The following RBFOX1 variants were observed in gnomAD, a reference collection of about 807,000 sequenced individuals.
RBFOX1 encodes RNA binding fox-1 homolog 1.
RBFOX1 carries 8 observed loss-of-function variants against 57.7 expected under a neutral mutation model. The ratio of observed to expected loss-of-function variants is 0.14; its 90% CI spans 0.08 to 0.25. The LOEUF is 0.25. Ranked by LOEUF, RBFOX1 falls within the 10% of genes least tolerant of loss-of-function variation. The probability of loss-of-function intolerance (pLI) is 1.00; values close to 1 mark genes in which losing one functional copy is unlikely to be tolerated. For missense variants in RBFOX1, 611 were observed against 548.5 expected (o/e 1.11, Z -1.14); for synonymous variants, 326 against 222.4 (o/e 1.47, Z -4.15).
chr16:6,673,559 G>T (rs899329851), intron 3 of RBFOX1, among the ~76,000 whole-genome samples: 1 of 152,152 alleles, frequency 6.6e-6, no homozygotes, highest in Non-Finnish European at 1.5e-5. Context: ...AGCCTACATT[G>T]CGCCACTGCA....
chr16:5,739,094 G>A (rs772505714), intron 3 of RBFOX1, among the ~76,000 whole-genome samples: 1 of 152,194 alleles, frequency 6.6e-6, no homozygotes, highest in Non-Finnish European at 1.5e-5. Flanking sequence ...TTGCCTTATT[G>A]TCCTTCTTGG....
intron 3 of RBFOX1, among the ~76,000 whole-genome samples, chr16:6,693,233 C>G (rs972838373): frequency 2.6e-5 from 4 of 151,678 alleles, no homozygotes; most frequent in African/African-American, 9.7e-5. Context: ...TCCTCCTCCA[C>G]TACCATCACC....
chr16:5,327,784 A>G (rs2064626126), intron 1 of RBFOX1, among the ~76,000 whole-genome samples: 1 of 152,202 alleles, frequency 6.6e-6, no homozygotes, highest in African/African-American at 2.4e-5. Flanking sequence ...TGAATTACAC[A>G]AAGATAATTT....
intron 3 of RBFOX1, among the ~76,000 whole-genome samples, chr16:6,863,303 C>T (rs79419972): frequency 4.6e-5 from 7 of 152,024 alleles, no homozygotes; most frequent in African/African-American, 1.4e-4. Flanking sequence ...TGATTAGCAG[C>T]AAATGGTCAA....
In RBFOX1 at chr16:5,878,289, C is replaced by T. The variant is rs370569479; in HGVS notation, c.351+10954C>T. Among the ~76,000 whole-genome samples the T allele has an allele frequency of 3.0e-4, 45 of 152,280 alleles. 1 individual carries two copies. The South Asian group carries it at 9.3e-3, about 32-fold the overall frequency. ...TGAGAACAGCCAGCAGTTATTAATG[C>T]TCACTGTATGCTAGGCACTGAGCAA... is the stretch of plus-strand genomic sequence containing the variant. On this transcript the variant is annotated intron_variant, in intron 4 of 19. Transcript: ENST00000641259.
chr16:6,799,354 G>C lies in RBFOX1; in HGVS notation c.-16+144704G>C, dbSNP rs781420564. ...TTAGGTTGGTGCAAAAGTAATGGCA[G>C]TCTTTGTAGTTAAAAAAAGGTAAAA... On this transcript the variant is annotated intron_variant, in intron 3 of 15. Transcript: ENST00000550418. Among the ~76,000 whole-genome samples the C allele has an allele frequency of 2.0e-5, 3 of 152,078 alleles. No individual in the cohort carries two copies. The East Asian group carries it at 5.8e-4, about 29-fold the overall frequency.
At chr16:7,709,021 C>G (rs751827083) in intron 14 of RBFOX1, 35 bp from the exon 15 acceptor site, 10 of 1,559,950 alleles carry the variant, frequency 6.4e-6, no homozygotes, top group South Asian at 3.3e-5. Flanking sequence ...TAATTGCATA[C>G]TGTGGATCAA....
intron 4 of RBFOX1, among the ~76,000 whole-genome samples, chr16:7,284,307 A>T (rs1049954871): frequency 1.4e-4 from 22 of 152,122 alleles, no homozygotes; most frequent in Admixed American, 7.2e-4. Flanking sequence ...GTGTTGCTGG[A>T]TTGAGAAGTA....
At chr16:5,801,214 T>G (rs2151753298) in intron 3 of RBFOX1, among the ~76,000 whole-genome samples, 1 of 152,316 alleles carries the variant, frequency 6.6e-6, no homozygotes, top group Non-Finnish European at 1.5e-5. Context: ...TTAATGTATT[T>G]TACTAATTAT....
At chr16:6,840,472 C>T (rs1047448155) in intron 3 of RBFOX1, among the ~76,000 whole-genome samples, 1 of 152,230 alleles carries the variant, frequency 6.6e-6, no homozygotes, top group Non-Finnish European at 1.5e-5. Context: ...GCTGAATGTT[C>T]ATGTCCCCCT....
intron 1 of RBFOX1, among the ~76,000 whole-genome samples, chr16:6,034,058 G>A (rs1367781348): frequency 6.6e-6 from 1 of 152,126 alleles, no homozygotes; most frequent in African/African-American, 2.4e-5. Context: ...TCGTTGGCCA[G>A]GCGCGGTGGC....
At chr16:5,512,167 T>C (rs996419333) in intron 2 of RBFOX1, among the ~76,000 whole-genome samples, 29 of 152,264 alleles carry the variant, frequency 1.9e-4, no homozygotes, top group South Asian at 1.7e-3. Context: ...ATGTGGGCTA[T>C]TGATTGCATG....
intron 2 of RBFOX1, among the ~76,000 whole-genome samples, chr16:6,450,314 A>T (rs2094563877): frequency 6.6e-6 from 1 of 152,136 alleles, no homozygotes; most frequent in African/African-American, 2.4e-5. Context: ...TGGGTTAGTC[A>T]CTTACCTGCA....
intron 9 of RBFOX1, among the ~76,000 whole-genome samples, chr16:7,600,287 A>G (rs1330392909): frequency 6.6e-6 from 1 of 152,152 alleles, no homozygotes; most frequent in African/African-American, 2.4e-5. Context: ...TAAAACACAA[A>G]TGTCAATTCT....
At chr16:5,674,573 C>T (rs1272709970) in intron 3 of RBFOX1, among the ~76,000 whole-genome samples, 2 of 152,198 alleles carry the variant, frequency 1.3e-5, no homozygotes, top group African/African-American at 4.8e-5. Flanking sequence ...AGCCCAGGTT[C>T]TGTTTGTTTA....
At chr16:6,550,561 A>T (rs1006066086) in intron 2 of RBFOX1, among the ~76,000 whole-genome samples, 3 of 152,104 alleles carry the variant, frequency 2.0e-5, no homozygotes, top group Non-Finnish European at 2.9e-5. Context: ...CCTGACCTCA[A>T]GTGATGCACC....
chr16:7,438,374 A>C (rs1208380457), intron 4 of RBFOX1, among the ~76,000 whole-genome samples: 1 of 152,066 alleles, frequency 6.6e-6, no homozygotes, highest in Non-Finnish European at 1.5e-5. Context: ...GGCCACGGTG[A>C]GCATGATGGT....
intron 3 of RBFOX1, among the ~76,000 whole-genome samples, chr16:6,816,047 A>T (rs1271701010): frequency 1.3e-5 from 2 of 152,198 alleles, no homozygotes; most frequent in Non-Finnish European, 2.9e-5. Context: ...GCAATGGCTC[A>T]TGCGTGTCCC....
rs772393536 is a variant in RBFOX1, at chr16:5,490,475, TCCTGGGAA to T, written c.258+23227_258+23234del. ...GGCCTTGTGGAGGCAGAGAGAGGCG[TCCTGGGAA>T]CCTGGCGTTGCTATCCGGAGCCCTT... On this transcript the variant is annotated intron_variant, in intron 2 of 2. Coordinates refer to the RBFOX1 transcript ENST00000585867. Among the ~76,000 whole-genome samples, 162 of 152,316 alleles carry T rather than the reference TCCTGGGAA, an allele frequency of 1.1e-3. 2 individuals carry two copies. Among genetic ancestry groups the T allele is most frequent in the Middle Eastern group, 3.4e-3 (1 of 294 alleles).
Sources: gnomAD v4.1 joint callset for allele counts (sites outside exome capture counted in the v4.1 genomes callset) on GRCh38, gnomAD v4.1.1 for gene constraint, MANE v1.5 for transcripts, NCBI Gene and HGNC (gene_info 2026-07-23, HGNC 2026-07-21) for gene names.